Variants in RANBP2 observed in about 807,000 individuals in gnomAD.
RANBP2 encodes the protein E3 SUMO-protein ligase RanBP2.
RANBP2 carries 57 observed loss-of-function variants against 303.6 expected under a neutral mutation model. The ratio of observed to expected loss-of-function variants is 0.19; its 90% CI spans 0.15 to 0.23. The LOEUF is 0.23. Ranked by LOEUF, RANBP2 falls within the 10% of genes least tolerant of loss-of-function variation. The pLI, the probability that RANBP2 is intolerant of heterozygous loss-of-function variation, is 1.00. For missense variants in RANBP2, 3,138 were observed against 3,780.8 expected (o/e 0.83, Z 4.46); for synonymous variants, 1,167 against 1,301.5 (o/e 0.90, Z 2.23).
the RANBP2 span, among the ~76,000 whole-genome samples, chr2:108,854,629 C>A: frequency 6.6e-6 from 1 of 152,144 alleles, no homozygotes; most frequent in African/African-American, 2.4e-5. Flanking sequence ...CTTAGCTCAA[C>A]CACCATTTTA....
At chr2:109,545,782 C>A in the RANBP2 span, 1,465 of 1,426,656 alleles carry the variant, frequency 1.0e-3, 17 homozygotes, top group African/African-American at 0.017. Context: ...GCTAACTGAT[C>A]CTTTTCACAC....
the RANBP2 span, among the ~76,000 whole-genome samples, chr2:109,152,756 G>T: frequency 2.0e-5 from 3 of 152,262 alleles, no homozygotes; most frequent in African/African-American, 7.2e-5. Context: ...AGGGGCGGGG[G>T]GGACCCAGTG....
At chr2:108,927,654 A>C in the RANBP2 span, among the ~76,000 whole-genome samples, 1 of 152,056 alleles carries the variant, frequency 6.6e-6, no homozygotes, top group Admixed American at 6.5e-5. Flanking sequence ...CCCTTCTACT[A>C]CAGCGGCCCC....
At chr2:109,480,260 TC>T in the RANBP2 span, among the ~76,000 whole-genome samples, 1 of 152,192 alleles carries the variant, frequency 6.6e-6, no homozygotes, top group Non-Finnish European at 1.5e-5. Flanking sequence ...AGGCGGCATC[TC>T]CCAGGTGCCC....
At chr2:109,467,831 G>A in the RANBP2 span, among the ~76,000 whole-genome samples, 1 of 152,148 alleles carries the variant, frequency 6.6e-6, no homozygotes, top group Non-Finnish European at 1.5e-5. Context: ...ACACGCAGAG[G>A]AACAGAGCCA....
At chr2:109,063,610 C>T in the RANBP2 span, among the ~76,000 whole-genome samples, 3 of 152,126 alleles carry the variant, frequency 2.0e-5, no homozygotes, top group Admixed American at 6.5e-5. Context: ...ACAAACAGCT[C>T]GAACTTCCCT....
chr2:108,925,482 G>A, the RANBP2 span, among the ~76,000 whole-genome samples: 1 of 152,206 alleles, frequency 6.6e-6, no homozygotes, highest in Non-Finnish European at 1.5e-5. Context: ...TCTGTCCCAC[G>A]ACTGTGTCTT....
chr2:109,231,930 T>C, the RANBP2 span, among the ~76,000 whole-genome samples: 2 of 152,258 alleles, frequency 1.3e-5, no homozygotes, highest in Non-Finnish European at 2.9e-5. Flanking sequence ...AGGCTTGCAG[T>C]ATATTCACAG....
chr2:109,254,643 T>C, the RANBP2 span, among the ~76,000 whole-genome samples: 1 of 152,190 alleles, frequency 6.6e-6, no homozygotes, highest in African/African-American at 2.4e-5. Context: ...TTCTTTGTCT[T>C]CTGCTGGGTT....
At chr2:109,655,842 C>T in the RANBP2 span, among the ~76,000 whole-genome samples, 1 of 152,120 alleles carries the variant, frequency 6.6e-6, no homozygotes, top group African/African-American at 2.4e-5. Context: ...ATAAGCAACT[C>T]GTTTTCAGAG....
At chr2:109,727,232 G>A in the RANBP2 span, among the ~76,000 whole-genome samples, 1 of 152,068 alleles carries the variant, frequency 6.6e-6, no homozygotes, top group Non-Finnish European at 1.5e-5. Context: ...AAACAACAAC[G>A]AACTGTTTAC....
the RANBP2 span, chr2:109,567,883 T>C: frequency 6.2e-7 from 1 of 1,614,084 alleles, no homozygotes; most frequent in Non-Finnish European, 8.5e-7. Flanking sequence ...TGGACGCCAT[T>C]GCTGACCAAT....
chr2:108,929,327 G>A, the RANBP2 span: 213 of 1,614,096 alleles, frequency 1.3e-4, 2 homozygotes, highest in African/African-American at 2.6e-3. Flanking sequence ...AAACTTCTCC[G>A]CCGGGCAGGG....
At chr2:108,769,022 A>G (rs1440178964) in intron 20 of RANBP2, among the ~76,000 whole-genome samples, 2 of 150,904 alleles carry the variant, frequency 1.3e-5, no homozygotes, top group Non-Finnish European at 3.0e-5. Flanking sequence ...TGAGTGACTG[A>G]GACTTTGTCT....
chr2:109,308,683 C>T, the RANBP2 span, among the ~76,000 whole-genome samples: 2 of 45,626 alleles, frequency 4.4e-5, no homozygotes, highest in Non-Finnish European at 6.6e-5. Flanking sequence ...AATAGGGAAT[C>T]CTTTCCCCAT....
the RANBP2 span, among the ~76,000 whole-genome samples, chr2:109,663,784 C>G: frequency 6.6e-6 from 1 of 152,204 alleles, no homozygotes; most frequent in Admixed American, 6.5e-5. Flanking sequence ...TTAAAGGGAA[C>G]AGCCTCTGTG....
At chr2:109,667,286 T>C in the RANBP2 span, 2 of 708,170 alleles carry the variant, frequency 2.8e-6, no homozygotes, top group East Asian at 2.7e-5. Flanking sequence ...GCAAGCCTCA[T>C]GAAAGGAAGG....
At chr2:109,040,689 C>T in the RANBP2 span, among the ~76,000 whole-genome samples, 3 of 152,132 alleles carry the variant, frequency 2.0e-5, no homozygotes, top group East Asian at 1.9e-4. Flanking sequence ...TAGATTCATT[C>T]GTATTTTCTT....
chr2:109,377,193 TG>T, the RANBP2 span, among the ~76,000 whole-genome samples: 3 of 152,186 alleles, frequency 2.0e-5, no homozygotes, highest in African/African-American at 7.2e-5. Context: ...GGGCATGTGA[TG>T]GGTGCACACT....
Sources: gnomAD v4.1 joint callset for allele counts (sites outside exome capture counted in the v4.1 genomes callset) on GRCh38, gnomAD v4.1.1 for gene constraint, MANE v1.5 for transcripts, NCBI Gene and HGNC (gene_info 2026-07-23, HGNC 2026-07-21) for gene names.